PCDHA12: variants seen among roughly 807,000 people sequenced by gnomAD.
PCDHA12 encodes protocadherin alpha 12.
PCDHA12 carries 44 observed loss-of-function variants against 60.0 expected under a neutral mutation model. That is an observed-to-expected ratio of 0.73 (90% CI 0.58 to 0.94). PCDHA12 has a LOEUF of 0.94. Ranked by LOEUF, PCDHA12 falls within the 40% of genes least tolerant of loss-of-function variation. The pLI is 0.00. For missense variants in PCDHA12, 1,276 were observed against 1,239.7 expected, an observed-to-expected ratio of 1.03 and a Z score of -0.44; for synonymous variants, 569 against 553.0, an observed-to-expected ratio of 1.03 and a Z score of -0.40.
chr5:140,892,417 G>A lies in PCDHA12; in HGVS notation c.2367+14578G>A, dbSNP rs78605430. 5.2e-3 allele frequency among the ~76,000 whole-genome samples: 785 copies of A among 152,216 alleles called. 8 individuals are homozygous for A. Among genetic ancestry groups the A allele is most frequent in the Non-Finnish European group, 8.7e-3 (594 of 68,002 alleles). ...TCTATTTCAAGCTTCAGGTATTCTA[G>A]ATAAAACCTCATTATCTAAAATTTA... On this transcript the variant is annotated intron_variant, in intron 1 of 3. Transcript: ENST00000398631.
chr5:140,899,846 C>T (rs1554188760), intron 1 of PCDHA12, among the ~76,000 whole-genome samples: 1 of 152,142 alleles, frequency 6.6e-6, no homozygotes, highest in African/African-American at 2.4e-5. Flanking sequence ...CTTGCTGTGT[C>T]ACCCAGGCTG....
chr5:141,008,953 A>G (rs1554261966), intron 3 of PCDHA12, among the ~76,000 whole-genome samples: 1 of 152,240 alleles, frequency 6.6e-6, no homozygotes, highest in African/African-American at 2.4e-5. Context: ...CAAAATAGAC[A>G]TCCTAATACA....
chr5:140,927,876 G>A lies in PCDHA12; in HGVS notation c.2367+50037G>A, dbSNP rs782412797. ...TAGCTAGCACCGCTAAACTGCTGGT[G>A]GAGGTGACTGACGTGAACGATCATG... On this transcript the variant is annotated intron_variant, in intron 1 of 3. Transcript: ENST00000398631. The A allele has an allele frequency of 1.9e-6, 3 of 1,614,202 alleles. No individual in the cohort carries two copies. The South Asian group carries it at 3.3e-5, about 18-fold the overall frequency.
At chr5:140,888,394 C>T (rs1554183448) in intron 1 of PCDHA12, among the ~76,000 whole-genome samples, 2 of 152,134 alleles carry the variant, frequency 1.3e-5, no homozygotes, top group African/African-American at 2.4e-5. Flanking sequence ...TGCTAAACAC[C>T]ATCCAATTGC....
chr5:140,986,246 C>T (rs561365390), intron 3 of PCDHA12, among the ~76,000 whole-genome samples: 1 of 152,178 alleles, frequency 6.6e-6, no homozygotes, highest in African/African-American at 2.4e-5. Flanking sequence ...TGAGCAGACC[C>T]GGACCACAGG....
chr5:140,952,977 C>T (rs148504111), intron 1 of PCDHA12, among the ~76,000 whole-genome samples: 2 of 152,182 alleles, frequency 1.3e-5, no homozygotes, highest in East Asian at 3.9e-4. Context: ...TTTTAAACAA[C>T]AAGATCTCAT....
At chr5:140,902,206 T>TC (rs2069239214) in intron 1 of PCDHA12, among the ~76,000 whole-genome samples, 1 of 145,724 alleles carries the variant, frequency 6.9e-6, no homozygotes, top group South Asian at 2.1e-4. Flanking sequence ...TCTCTTTCTT[T>TC]TTTTTTTTTT....
At chr5:140,942,221 G>A (rs1238547021) in intron 1 of PCDHA12, among the ~76,000 whole-genome samples, 1 of 152,046 alleles carries the variant, frequency 6.6e-6, no homozygotes, top group African/African-American at 2.4e-5. Context: ...TATTTAAAAT[G>A]TGTAGGCAAA....
At chr5:140,958,998 C>T (rs868985322) in intron 1 of PCDHA12, among the ~76,000 whole-genome samples, 5 of 151,906 alleles carry the variant, frequency 3.3e-5, no homozygotes, top group South Asian at 2.1e-4. Flanking sequence ...TAATCTTTTA[C>T]TGTACCTAAT....
chr5:140,971,050 C>G (rs2096454255), intron 1 of PCDHA12, among the ~76,000 whole-genome samples: 1 of 152,146 alleles, frequency 6.6e-6, no homozygotes, highest in South Asian at 2.1e-4. Context: ...AAGGGTTTAG[C>G]TTTAAATAAG....
chr5:141,006,620 T>C (rs1237251555), intron 3 of PCDHA12, among the ~76,000 whole-genome samples: 3 of 152,148 alleles, frequency 2.0e-5, no homozygotes, highest in Admixed American at 6.5e-5. Context: ...ATAAGGAGAC[T>C]ATTGCTGCAA....
At chr5:140,998,112 T>A (rs1554256165) in intron 3 of PCDHA12, among the ~76,000 whole-genome samples, 2 of 152,152 alleles carry the variant, frequency 1.3e-5, no homozygotes, top group Non-Finnish European at 2.9e-5. Context: ...AGGAGAAAAT[T>A]TACTTGTGAA....
intron 1 of PCDHA12, among the ~76,000 whole-genome samples, chr5:140,961,629 A>G (rs970820292): frequency 6.6e-6 from 1 of 152,162 alleles, no homozygotes; most frequent in Non-Finnish European, 1.5e-5. Flanking sequence ...CATATGAAAA[A>G]CAATCTTAAG....
At chr5:140,892,624 A>C (rs1041078923) in intron 1 of PCDHA12, among the ~76,000 whole-genome samples, 28 of 152,166 alleles carry the variant, frequency 1.8e-4, no homozygotes, top group Non-Finnish European at 3.2e-4. Flanking sequence ...CAGTTGGTAC[A>C]TAATAATTGT....
At chr5:140,985,982 G>A (rs1380609067) in intron 3 of PCDHA12, among the ~76,000 whole-genome samples, 3 of 151,940 alleles carry the variant, frequency 2.0e-5, no homozygotes, top group East Asian at 1.9e-4. Flanking sequence ...CTCGTGATCC[G>A]CCCACCTCAG....
chr5:140,971,537 G>T (rs1414023721), intron 1 of PCDHA12, among the ~76,000 whole-genome samples: 1 of 152,136 alleles, frequency 6.6e-6, no homozygotes, highest in Non-Finnish European at 1.5e-5. Flanking sequence ...AGTCATCATT[G>T]CCAGATCAAC....
At chr5:140,957,852 AT>A (rs5871756) in intron 1 of PCDHA12, among the ~76,000 whole-genome samples, 2 of 151,658 alleles carry the variant, frequency 1.3e-5, no homozygotes, top group African/African-American at 2.4e-5. Context: ...GAGTTTGTGT[AT>A]TTTTTTTCCT....
rs1329010026 is a variant in PCDHA12 at position 140,877,260 on chromosome 5, G to C, written c.1788G>C (p.Ala596=). The C allele has an allele frequency of 1.9e-6, 3 of 1,613,652 alleles. No individual in the cohort carries two copies. The highest frequency in any genetic ancestry group is 2.5e-6 in the Non-Finnish European group (3 of 1,179,794). Residue 596 remains alanine (A), a synonymous_variant, in exon 1 of 4, where the codon GCG becomes GCC. Coordinates refer to ENST00000398631, the MANE Select transcript of PCDHA12 (RefSeq NM_018903.4). ...GAGHVVAKVR[A]VDADSGYNAW... Reference sequence around the variant, plus strand: ...GCCACGTGGTGGCGAAAGTGCGCGCGGTGGACGCTGACTCCGGCTATAACG... The same window carrying C: ...GCCACGTGGTGGCGAAAGTGCGCGCCGTGGACGCTGACTCCGGCTATAACG...
intron 1 of PCDHA12, among the ~76,000 whole-genome samples, chr5:140,924,446 G>A (rs1554201951): frequency 6.6e-6 from 1 of 152,110 alleles, no homozygotes; most frequent in African/African-American, 2.4e-5. Context: ...ATAACGAATG[G>A]GTTTGTGTGT....
Sources: allele counts gnomAD v4.1 joint callset (sites outside exome capture counted in the v4.1 genomes callset), GRCh38; gene constraint gnomAD v4.1.1; transcripts MANE v1.5; gene names NCBI Gene and HGNC (gene_info 2026-07-23, HGNC 2026-07-21).